SLC8A3: variants seen among roughly 807,000 people sequenced by gnomAD.
SLC8A3 encodes the protein sodium/calcium exchanger 3.
SLC8A3 carries 37 observed loss-of-function variants against 65.4 expected under a neutral mutation model. That is an observed-to-expected ratio of 0.57 (90% confidence interval 0.44 to 0.74). The LOEUF (loss-of-function observed/expected upper bound fraction) is 0.74. Among genes scored for constraint, SLC8A3 ranks in the 30% least tolerant of loss-of-function variants. SLC8A3 has a pLI of 0.00. For missense variants in SLC8A3, 1,112 were observed against 1,172.1 expected, an observed-to-expected ratio of 0.95 and a Z score of 0.75; for synonymous variants, 461 against 444.5, an observed-to-expected ratio of 1.04 and a Z score of -0.47.
intron 3 of SLC8A3, chr14:70,060,574 G>A: frequency 1.7e-6 from 1 of 597,966 alleles, no homozygotes; most frequent in Non-Finnish European, 3.1e-6. Flanking sequence ...TGAGGCTGCA[G>A]TGCTGCCCAG....
chr14:70,048,489 C>CG, intron 6 of SLC8A3: 1 of 607,224 alleles, frequency 1.6e-6, no homozygotes, highest in Admixed American at 2.7e-5. Context: ...ATAACTTACC[C>CG]TATTTAATAG....
chr14:70,189,247 G>A (rs1398288149), upstream of SLC8A3, among the ~76,000 whole-genome samples: 3 of 152,046 alleles, frequency 2.0e-5, no homozygotes, highest in African/African-American at 7.2e-5. Flanking sequence ...CACCCTAGTC[G>A]TTGGAGCCTG....
intron 1 of SLC8A3, among the ~76,000 whole-genome samples, chr14:70,187,472 G>C (rs1378125080): frequency 6.6e-6 from 1 of 152,028 alleles, no homozygotes; most frequent in Non-Finnish European, 1.5e-5. Context: ...AATGAATTAA[G>C]ACGAAGAACT....
intron 3 of SLC8A3, among the ~76,000 whole-genome samples, chr14:70,054,186 G>A (rs1887818275): frequency 6.6e-6 from 1 of 151,838 alleles, no homozygotes; most frequent in African/African-American, 2.4e-5. Flanking sequence ...GGCCAGACAA[G>A]AATAGGATGT....
intron 1 of SLC8A3, among the ~76,000 whole-genome samples, chr14:70,175,280 T>C (rs994323406): frequency 2.6e-5 from 4 of 152,206 alleles, no homozygotes; most frequent in Non-Finnish European, 5.9e-5. Flanking sequence ...ATATCTGTTA[T>C]TTAATACCTC....
chr14:70,079,330 CA>C (rs11464342), intron 2 of SLC8A3, among the ~76,000 whole-genome samples: 17,445 of 80,926 alleles, frequency 0.22, 1,030 homozygotes, highest in East Asian at 0.42. Context: ...CTAAAAAATA[CA>C]AAAAAAAAAA....
At chr14:70,094,382 T>C (rs1892014131) in intron 2 of SLC8A3, among the ~76,000 whole-genome samples, 1 of 152,240 alleles carries the variant, frequency 6.6e-6, no homozygotes, top group African/African-American at 2.4e-5. Context: ...AGGTGCTCCA[T>C]AAATATCAGT....
intron 1 of SLC8A3, among the ~76,000 whole-genome samples, chr14:70,184,135 C>T (rs1020052903): frequency 2.6e-5 from 4 of 152,166 alleles, no homozygotes; most frequent in African/African-American, 9.7e-5. Flanking sequence ...AGTCGCTACC[C>T]ATGAGAGTCT....
At chr14:70,087,770 C>T (rs1432716251) in intron 2 of SLC8A3, among the ~76,000 whole-genome samples, 1 of 152,106 alleles carries the variant, frequency 6.6e-6, no homozygotes, top group Non-Finnish European at 1.5e-5. Context: ...ATGCACCATC[C>T]GTCATTTCTA....
rs1015421719 is a variant in SLC8A3 at position 70,045,446 on chromosome 14, A to C, written c.*501T>G. ...AAAATAATAAGCAAAACCTAATGGC[A>C]AAACGAAAGCAACCACAATAATGAT... is the stretch of plus-strand genomic sequence containing the variant. On this transcript the variant is annotated 3_prime_UTR_variant, in exon 7 of 7. Coordinates refer to ENST00000356921, the MANE Select transcript of SLC8A3 (RefSeq NM_182932.3). The C allele has an allele frequency of 6.6e-6, 1 of 152,512 alleles. No individual in the cohort carries two copies. Among genetic ancestry groups the C allele is most frequent in the African/African-American group, 2.4e-5 (1 of 41,468 alleles). The allele number at this position is 152,512 out of a possible 1,614,324, so 9.4% of individuals were successfully genotyped here.
Position 70,049,002 on chromosome 14 carries a change from C to A in SLC8A3, c.2154G>T (p.Leu718=), listed in dbSNP as rs556121233. 84 of 1,613,798 alleles carry A rather than the reference C, an allele frequency of 5.2e-5. 5 individuals carry two copies. In the South Asian group the frequency reaches 8.8e-4, roughly 17 times the overall value. ...EDEDESGEER[L]PSCFDYVMHF... ...GCATGACGTAGTCAAAGCAGGAGGG[C>A]AGCCTCTCCTCCCCGGATTCATCCT... is the stretch of plus-strand genomic sequence containing the variant. Residue 718 remains leucine (L), a synonymous_variant, in exon 6 of 7, where the codon CTG becomes CTT. Transcript: ENST00000356921.
At chr14:70,093,554 A>G (rs1233029124) in intron 2 of SLC8A3, among the ~76,000 whole-genome samples, 1 of 152,220 alleles carries the variant, frequency 6.6e-6, no homozygotes, top group Non-Finnish European at 1.5e-5. Flanking sequence ...TTCTCAGAGA[A>G]TCATGTCAGG....
intron 2 of SLC8A3, among the ~76,000 whole-genome samples, chr14:70,157,073 C>T (rs538619526): frequency 6.6e-5 from 10 of 152,272 alleles, no homozygotes; most frequent in African/African-American, 2.2e-4. Flanking sequence ...CCAGCTGAAT[C>T]GTGGCTGCAG....
At position 70,128,142 on chromosome 14, in the gene SLC8A3, C is replaced by T. The variant is rs562418495; in HGVS notation, c.1784+38497G>A. On this transcript the variant is annotated intron_variant, in intron 2 of 6. Transcript: ENST00000356921. ...CCTGTTATGATGGATTGAAATTGGG[C>T]AGTCATTCATCTTTGACCCTGTTCT... Among the ~76,000 whole-genome samples, 4 of 152,304 alleles carry T rather than the reference C, an allele frequency of 2.6e-5. No individual in the cohort carries two copies. The East Asian group carries it at 7.7e-4, about 29-fold the overall frequency.
In SLC8A3 at chr14:70,168,074, G is replaced by A. The variant is rs199679805; in HGVS notation, c.349C>T (p.Pro117Ser). 4.8e-4 allele frequency: 768 copies of A among 1,613,952 alleles called. No individual in the cohort carries two copies. The highest frequency in any genetic ancestry group is 5.8e-4 in the Non-Finnish European group (686 of 1,180,020). ...GTGGTTGTGCTGGTTTCTCCATTGGGTTTCTTAATTGTCACCTCCCTCTCT... is the reference window on the plus strand; with the variant it reads ...GTGGTTGTGCTGGTTTCTCCATTGGATTTCTTAATTGTCACCTCCCTCTCT... ...SQEREVTIKKPNGETSTTTIR... is the reference protein window; with the variant it reads ...SQEREVTIKKSNGETSTTTIR... The change falls in exon 2 of 7, where the codon CCC (proline) becomes TCC (serine). Residue 117 changes from proline (P) to serine (S), a missense_variant. Coordinates refer to ENST00000356921, the MANE Select transcript of SLC8A3 (RefSeq NM_182932.3).
intron 2 of SLC8A3, among the ~76,000 whole-genome samples, chr14:70,085,019 T>C (rs1239275550): frequency 1.3e-5 from 2 of 152,220 alleles, no homozygotes; most frequent in Non-Finnish European, 2.9e-5. Context: ...TACAAATGTC[T>C]ATTGAGTTTC....
chr14:70,052,610 G>GT (rs1311350407), intron 3 of SLC8A3, among the ~76,000 whole-genome samples: 5 of 150,528 alleles, frequency 3.3e-5, no homozygotes, highest in Admixed American at 3.3e-4. Context: ...CAGTTTTTTT[G>GT]TTTTTTGTTT....
intron 2 of SLC8A3, among the ~76,000 whole-genome samples, chr14:70,095,468 A>G (rs2140082792): frequency 6.6e-6 from 1 of 152,338 alleles, no homozygotes; most frequent in South Asian, 2.1e-4. Context: ...CAACTTACTT[A>G]TGCTTTGAGC....
At chr14:70,058,200 CTGAATGTTTCAGACTCTCCCA>C (rs1392759315) in intron 3 of SLC8A3, among the ~76,000 whole-genome samples, 2 of 152,180 alleles carry the variant, frequency 1.3e-5, no homozygotes, top group Non-Finnish European at 2.9e-5. Flanking sequence ...CTATGCCATT[CTGAATGTTTCAGACTCTCCCA>C]TGCAGTAGTG....
Sources: allele counts gnomAD v4.1 joint callset (sites outside exome capture counted in the v4.1 genomes callset), GRCh38; gene constraint gnomAD v4.1.1; transcripts MANE v1.5; gene names NCBI Gene and HGNC (gene_info 2026-07-23, HGNC 2026-07-21).